KIAA2012: variants seen among roughly 807,000 people sequenced by gnomAD.
KIAA2012 encodes the protein uncharacterized protein KIAA2012.
In KIAA2012, 125 loss-of-function variants were observed where a neutral mutation model predicts 150.6. The ratio of observed to expected loss-of-function variants is 0.83; its 90% CI spans 0.72 to 0.96. The LOEUF (loss-of-function observed/expected upper bound fraction) is 0.96, where lower values mean the gene tolerates loss of function less well. Ranked by LOEUF, KIAA2012 falls within the 40% of genes least tolerant of loss-of-function variation. The pLI is 0.00. For synonymous variants in KIAA2012, 462 were observed against 504.7 expected (o/e 0.92, Z 1.13); for missense variants, 1,219 against 1,354.9 (o/e 0.90, Z 1.57).
intron 2 of KIAA2012, 40 bp from the exon 3 acceptor site, chr2:202,090,730 G>C: frequency 2.0e-6 from 3 of 1,520,794 alleles, no homozygotes; most frequent in Middle Eastern, 1.7e-4. Flanking sequence ...GTGGCTCAGG[G>C]GTCAGCAGCT....
chr2:202,155,248 C>G (rs1574295692), intron 14 of KIAA2012, among the ~76,000 whole-genome samples: 1 of 152,114 alleles, frequency 6.6e-6, no homozygotes, highest in Non-Finnish European at 1.5e-5. Flanking sequence ...GGATATCTGG[C>G]CTTGCTTTCT....
chr2:202,188,327 G>A, intron 18 of KIAA2012, 61 bp downstream of exon 18: 1 of 1,336,730 alleles, frequency 7.5e-7, no homozygotes, highest in Non-Finnish European at 1.0e-6. Flanking sequence ...GTCGGGAGGT[G>A]GTATGGATAA....
At chr2:202,106,571 C>G (rs1238193724) in intron 9 of KIAA2012, among the ~76,000 whole-genome samples, 1 of 152,048 alleles carries the variant, frequency 6.6e-6, no homozygotes, top group Non-Finnish European at 1.5e-5. Flanking sequence ...CCTGTAATCC[C>G]CGCTACTCGG....
intron 2 of KIAA2012, among the ~76,000 whole-genome samples, chr2:202,085,269 C>T (rs2105911779): frequency 6.6e-6 from 1 of 152,254 alleles, no homozygotes; most frequent in Non-Finnish European, 1.5e-5. Flanking sequence ...ATCCCTGGGA[C>T]CTGAGAGGTT....
At chr2:202,203,826 G>A (rs1692580932) in intron 23 of KIAA2012, among the ~76,000 whole-genome samples, 1 of 150,938 alleles carries the variant, frequency 6.6e-6, no homozygotes, top group African/African-American at 2.4e-5. Context: ...CTGGAGTGCA[G>A]TGGCACGATC....
At chr2:202,097,235 C>T (rs12693958) in intron 4 of KIAA2012, among the ~76,000 whole-genome samples, 200 bp from the exon 5 acceptor site, 111,376 of 152,198 alleles carry the variant, frequency 0.73, 40,814 homozygotes, top group African/African-American at 0.76. Flanking sequence ...TCCTGACTGC[C>T]AGTGCAGCTC....
chr2:202,095,732 T>C (rs531119565), intron 4 of KIAA2012, among the ~76,000 whole-genome samples: 22 of 152,256 alleles, frequency 1.4e-4, no homozygotes, highest in African/African-American at 5.1e-4. Flanking sequence ...AAAGGGAAAA[T>C]TGTCTCTGTA....
At position 202,113,361 on chromosome 2, in the gene KIAA2012, A is replaced by T; in HGVS notation, c.1677A>T (p.Gly559=). ...AQEDSSDPTL[G]HFLLGPDGEK... Reference sequence around the variant, plus strand: ...AAGATTCCAGCGACCCTACACTGGGACACTTCTTGCTGGGTCCAGATGGAG... The same window carrying T: ...AAGATTCCAGCGACCCTACACTGGGTCACTTCTTGCTGGGTCCAGATGGAG... The change falls in exon 11 of 24, where the codon GGA becomes GGT. Residue 559 remains glycine (G), a synonymous_variant. Coordinates refer to ENST00000498697, the MANE Select transcript of KIAA2012 (RefSeq NM_001277372.4). 6.4e-7 allele frequency: 1 copy of T among 1,550,674 alleles called. No individual in the cohort carries two copies. The highest frequency in any genetic ancestry group is 8.7e-7 in the Non-Finnish European group (1 of 1,146,986).
chr2:202,204,525 A>G (rs555093683), intron 23 of KIAA2012, among the ~76,000 whole-genome samples: 3 of 152,300 alleles, frequency 2.0e-5, no homozygotes, highest in African/African-American at 4.8e-5. Context: ...TTTTTTCACA[A>G]ATTTCTTTTG....
chr2:202,074,877 G>A lies in KIAA2012; in HGVS notation c.85-14G>A. The A allele has an allele frequency of 6.5e-7, 1 of 1,534,148 alleles. No individual in the cohort carries two copies. Among genetic ancestry groups the A allele is most frequent in the Middle Eastern group, 1.7e-4 (1 of 5,868 alleles). Reference sequence around the variant, plus strand: ...CCACAGTGGCTCCGTCAAAGTGGCTGCTTCTCATTGCAGGATTACTTGAAC... The same window carrying A: ...CCACAGTGGCTCCGTCAAAGTGGCTACTTCTCATTGCAGGATTACTTGAAC... On this transcript the variant is annotated splice_polypyrimidine_tract_variant and intron_variant, in intron 1 of 23. Transcript: ENST00000498697.
intron 11 of KIAA2012, among the ~76,000 whole-genome samples, chr2:202,117,495 G>A (rs924104927): frequency 2.6e-5 from 4 of 152,162 alleles, no homozygotes; most frequent in East Asian, 1.9e-4. Flanking sequence ...TGATGATGCC[G>A]AGAGATGTAA....
chr2:202,097,364 C>A lies in KIAA2012; in HGVS notation c.686-71C>A, dbSNP rs1367116351. 7.8e-6 allele frequency: 12 copies of A among 1,533,942 alleles called. No individual in the cohort carries two copies. In the East Asian group the frequency reaches 1.5e-4, roughly 19 times the overall value. On this transcript the variant is annotated intron_variant, in intron 4 of 23. Transcript: ENST00000498697. ...TTACTCAGAGAAGCAAGAAGGGAGG[C>A]AGTTTGGAGGCAGCAAGAACACCAC...
At chr2:202,092,973 A>T in intron 3 of KIAA2012, 57 bp from the exon 4 acceptor site, 1 of 1,474,748 alleles carries the variant, frequency 6.8e-7, no homozygotes, top group South Asian at 1.3e-5. Flanking sequence ...AGTTACCACC[A>T]AGAACTTGAA....
At chr2:202,092,271 C>T (rs1689742944) in intron 3 of KIAA2012, among the ~76,000 whole-genome samples, 1 of 152,232 alleles carries the variant, frequency 6.6e-6, no homozygotes, top group African/African-American at 2.4e-5. Context: ...TGGCAAGAAT[C>T]TGGTGTAAGC....
chr2:202,150,895 A>C (rs1297710339), intron 13 of KIAA2012, among the ~76,000 whole-genome samples: 1 of 151,890 alleles, frequency 6.6e-6, no homozygotes, highest in African/African-American at 2.4e-5. Flanking sequence ...ACCTTTAGAG[A>C]CCTTGACTCC....
rs1378577674 is a variant in KIAA2012, at chr2:202,190,247, G to A, written c.2565G>A (p.Lys855=). 1.3e-6 allele frequency: 2 copies of A among 1,548,112 alleles called. No individual in the cohort carries two copies. Among genetic ancestry groups the A allele is most frequent in the East Asian group, 4.9e-5 (2 of 40,934 alleles). ...GACCCCAAAGGAAAAGGACACAGAA[G>A]GAAAGAAATCTGGAGATAGCGGCAG... ...KTRPQRKRTQ[K]ERNLEIAAEL... Residue 855 remains lysine (K), a synonymous_variant, in exon 19 of 24, where the codon AAG becomes AAA. Transcript: ENST00000498697.
rs925829542 is a variant in KIAA2012, at chr2:202,097,330, T to C, written c.686-105T>C. 3.3e-6 allele frequency: 5 copies of C among 1,494,676 alleles called. No homozygotes were observed. The African/African-American group carries it at 7.0e-5, about 21-fold the overall frequency. The allele number at this position is 1,494,676 out of a possible 1,614,324, so 92.6% of individuals were successfully genotyped here. ...GAGGAGGGGGAGCAAGGGAGGGCCT[T>C]GAGCACTTTTACTCAGAGAAGCAAG... On this transcript the variant is annotated intron_variant, in intron 4 of 23. Coordinates refer to ENST00000498697, the MANE Select transcript of KIAA2012 (RefSeq NM_001277372.4).
Position 202,162,803 on chromosome 2 carries a change from G to A in KIAA2012, c.2047-2481G>A, listed in dbSNP as rs1169178854. On this transcript the variant is annotated intron_variant, in intron 14 of 23. Coordinates refer to ENST00000498697, the MANE Select transcript of KIAA2012 (RefSeq NM_001277372.4). ...AAATTAGCTGGGCGTGGTGGCGGGC[G>A]CCTATAGTCCCAGCTACTTGGGAGG... Among the ~76,000 whole-genome samples, 10 of 150,958 alleles carry A rather than the reference G, an allele frequency of 6.6e-5. No individual in the cohort carries two copies. In the South Asian group the frequency reaches 1.3e-3, roughly 19 times the overall value.
chr2:202,115,714 T>C (rs981479988), intron 11 of KIAA2012: 8 of 148,676 alleles, frequency 5.4e-5, no homozygotes, highest in Admixed American at 2.7e-4. Context: ...TTAGGGATCA[T>C]AGTTGTTGCT....
Sources: allele counts gnomAD v4.1 joint callset (sites outside exome capture counted in the v4.1 genomes callset), GRCh38; gene constraint gnomAD v4.1.1; transcripts MANE v1.5; gene names NCBI Gene and HGNC (gene_info 2026-07-23, HGNC 2026-07-21).